The following TRIQK variants were observed in gnomAD, a reference collection of about 807,000 sequenced individuals.
TRIQK encodes triple QxxK/R motif containing, also known as triple QxxK/R motif-containing protein.
A neutral mutation model predicts 10.8 loss-of-function variants in TRIQK; 10 were observed. The observed-to-expected ratio is 0.92, with a 90% CI of 0.57 to 1.57. The LOEUF is 1.57. Among genes scored for constraint, TRIQK ranks in the 40% most tolerant of loss-of-function variants. The pLI, the probability that TRIQK is intolerant of heterozygous loss-of-function variation, is 0.00. For missense variants in TRIQK, 107 were observed against 97.7 expected (o/e 1.09, Z -0.40); for synonymous variants, 33 against 33.7 (o/e 0.98, Z 0.07).
At chr8:92,906,722 C>CAA (rs36073229) in intron 3 of TRIQK, among the ~76,000 whole-genome samples, 52,536 of 126,088 alleles carry the variant, frequency 0.42, 11,325 homozygotes, top group Admixed American at 0.57. Context: ...CCGTCTCTAT[C>CAA]AAAAAAAAAA....
upstream of TRIQK, among the ~76,000 whole-genome samples, chr8:92,969,882 A>T (rs138075380): frequency 9.0e-4 from 137 of 152,206 alleles, no homozygotes; most frequent in African/African-American, 2.8e-3. Context: ...TGCACCTATC[A>T]ACCCATCCCT....
At chr8:93,002,777 G>T (rs545835930) in intron 1 of TRIQK, among the ~76,000 whole-genome samples, 2 of 151,820 alleles carry the variant, frequency 1.3e-5, no homozygotes, top group Non-Finnish European at 2.9e-5. Context: ...AAAATTAGCC[G>T]GGTGTGGTAG....
intron 4 of TRIQK, among the ~76,000 whole-genome samples, chr8:92,887,500 A>G (rs1162804271): frequency 6.6e-6 from 1 of 151,468 alleles, no homozygotes; most frequent in South Asian, 2.1e-4. Flanking sequence ...AAGTATGTAT[A>G]TGTATATATC....
At chr8:92,892,868 A>G (rs932440260) in intron 3 of TRIQK, among the ~76,000 whole-genome samples, 2 of 151,946 alleles carry the variant, frequency 1.3e-5, no homozygotes, top group Admixed American at 1.3e-4. Flanking sequence ...CAGTGAAAGC[A>G]TTCATTACAA....
At chr8:92,889,071 T>G (rs1816629267) in intron 4 of TRIQK, among the ~76,000 whole-genome samples, 1 of 151,646 alleles carries the variant, frequency 6.6e-6, no homozygotes, top group Non-Finnish European at 1.5e-5. Flanking sequence ...TTTGTATTTC[T>G]AAAACACAAA....
intron 1 of TRIQK, among the ~76,000 whole-genome samples, chr8:92,986,233 T>G (rs1813028981): frequency 3.3e-5 from 5 of 151,556 alleles, no homozygotes; most frequent in African/African-American, 4.8e-5. Context: ...CTTTTTTTTT[T>G]GCAAGTTCTT....
chr8:92,910,991 C>T (rs1038912929), intron 3 of TRIQK, among the ~76,000 whole-genome samples: 26 of 150,946 alleles, frequency 1.7e-4, no homozygotes, highest in Admixed American at 1.7e-3. Context: ...TAGAGAATAC[C>T]TATTCCTTTC....
At chr8:92,888,330 T>C (rs571126075) in intron 4 of TRIQK, among the ~76,000 whole-genome samples, 1 of 151,770 alleles carries the variant, frequency 6.6e-6, no homozygotes, top group South Asian at 2.1e-4. Flanking sequence ...CAACTCTGTA[T>C]CATTTCACTA....
At chr8:92,940,407 C>G (rs1173249634) in intron 2 of TRIQK, among the ~76,000 whole-genome samples, 1 of 147,924 alleles carries the variant, frequency 6.8e-6, no homozygotes, top group African/African-American at 2.5e-5. Flanking sequence ...GGGACACAAA[C>G]AAACTGATAG....
chr8:92,899,614 T>C (rs1415349018), intron 3 of TRIQK, among the ~76,000 whole-genome samples: 1 of 152,220 alleles, frequency 6.6e-6, no homozygotes, highest in Non-Finnish European at 1.5e-5. Flanking sequence ...CAGTACTTCA[T>C]TGTGTATAAG....
intron 2 of TRIQK, among the ~76,000 whole-genome samples, chr8:92,940,797 A>C (rs750045159): frequency 2.6e-5 from 4 of 152,176 alleles, no homozygotes; most frequent in African/African-American, 9.7e-5. Flanking sequence ...TGTTTACAGA[A>C]TATTACAACC....
chr8:92,933,020 G>A (rs1180233946), intron 2 of TRIQK, among the ~76,000 whole-genome samples: 1 of 152,006 alleles, frequency 6.6e-6, no homozygotes, highest in Non-Finnish European at 1.5e-5. Context: ...CTTTAGTAGA[G>A]AATGTTTTTT....
At chr8:92,980,336 T>A (rs933952158) in intron 1 of TRIQK, among the ~76,000 whole-genome samples, 1 of 152,062 alleles carries the variant, frequency 6.6e-6, no homozygotes, top group African/African-American at 2.4e-5. Context: ...ACTTTATGTT[T>A]TTGCATTTAT....
chr8:92,900,538 T>G (rs961292338), intron 3 of TRIQK, among the ~76,000 whole-genome samples: 2 of 152,148 alleles, frequency 1.3e-5, no homozygotes, highest in Non-Finnish European at 2.9e-5. Flanking sequence ...TTATCAAAAA[T>G]GAGCTCACTG....
At chr8:92,998,131 A>G (rs966220364) in intron 1 of TRIQK, among the ~76,000 whole-genome samples, 1 of 151,966 alleles carries the variant, frequency 6.6e-6, no homozygotes, top group African/African-American at 2.4e-5. Context: ...TTTTTCTGCT[A>G]AGACTTTAAA....
At chr8:92,925,716 A>G (rs944315587) in intron 2 of TRIQK, among the ~76,000 whole-genome samples, 2 of 152,178 alleles carry the variant, frequency 1.3e-5, no homozygotes, top group Non-Finnish European at 1.5e-5. Context: ...TGGCTCAAAT[A>G]AAAAATATTT....
At chr8:92,960,357 C>G (rs914174706) in intron 1 of TRIQK, 13 of 152,144 alleles carry the variant, frequency 8.5e-5, no homozygotes, top group African/African-American at 3.1e-4. Flanking sequence ...ATTCTCTACA[C>G]CGACTAAACT....
rs3062508 is a variant in TRIQK at position 93,017,110 on chromosome 8, GGA to G, written c.-181+497_-181+498del. Among the ~76,000 whole-genome samples the G allele has an allele frequency of 5.5e-3, 514 of 93,120 alleles. 4 individuals are homozygous for G. The highest frequency in any genetic ancestry group is 6.2e-3 in the Non-Finnish European group (285 of 46,340). 61.1% of individuals were successfully genotyped at this position (93,120 alleles called of 152,430 possible). ...CACAAATGTAGCAATATATATACTT[GGA>G]GAGAGAGAGAGAGAGAGAGAGAGAG... On this transcript the variant is annotated intron_variant, in intron 1 of 4. Transcript: ENST00000520686.
chr8:92,939,320 C>T (rs897974137), intron 2 of TRIQK, among the ~76,000 whole-genome samples: 1 of 152,198 alleles, frequency 6.6e-6, no homozygotes, highest in Admixed American at 6.5e-5. Flanking sequence ...TATCTCCCCA[C>T]TCTGTGTGAG....
Sources: gnomAD v4.1 joint callset for allele counts (sites outside exome capture counted in the v4.1 genomes callset) on GRCh38, gnomAD v4.1.1 for gene constraint, MANE v1.5 for transcripts, NCBI Gene and HGNC (gene_info 2026-07-23, HGNC 2026-07-21) for gene names.